TMEM52B: variants seen among roughly 807,000 people sequenced by gnomAD.
The protein encoded by TMEM52B is chromosome 12 open reading frame 59.
TMEM52B carries 11 observed loss-of-function variants against 16.1 expected under a neutral mutation model. The observed-to-expected ratio is 0.68, with a 90% CI of 0.43 to 1.13. The LOEUF (loss-of-function observed/expected upper bound fraction) is 1.13. TMEM52B is among the 50% of genes most tolerant of loss of function. TMEM52B has a pLI of 0.00. For missense variants in TMEM52B, 243 were observed against 230.4 expected (o/e 1.05, Z -0.35); for synonymous variants, 101 against 93.8 (o/e 1.08, Z -0.45).
intron 1 of TMEM52B, among the ~76,000 whole-genome samples, chr12:10,173,278 T>C (rs191673044): frequency 4.2e-4 from 64 of 152,092 alleles, no homozygotes; most frequent in African/African-American, 1.4e-3. Context: ...TGATATGATA[T>C]CTGGCATTTA....
upstream of TMEM52B, among the ~76,000 whole-genome samples, chr12:10,178,643 A>AAGAGAGAG (rs141826102): frequency 6.7e-6 from 1 of 149,958 alleles, no homozygotes; most frequent in Admixed American, 6.7e-5. Flanking sequence ...TCCTTAACCA[A>AAGAGAGAG]AGAGAGAGAG....
rs549016148 is a variant in TMEM52B at position 10,186,544 on chromosome 12, G to A, written c.262G>A (p.Val88Ile). Residue 88 changes from valine (V) to isoleucine (I), a missense_variant, in exon 4 of 5, where the codon GTC becomes ATC. Transcript: ENST00000543484. ...DGGPPPCEVT[V>I]IAFDHDSTLQ... The stretch of plus-strand genomic sequence containing the variant: ...GGGCCCACCACCCTGTGAAGTGACC[G>A]TCATTGCTTTCGATCACGACAGCAC... 7 of 1,608,138 alleles carry A rather than the reference G, an allele frequency of 4.4e-6. No homozygotes were observed. Among genetic ancestry groups the A allele is most frequent in the East Asian group, 4.5e-5 (2 of 44,810 alleles).
chr12:10,173,777 A>G (rs1201912625), intron 1 of TMEM52B, among the ~76,000 whole-genome samples: 1 of 151,944 alleles, frequency 6.6e-6, no homozygotes, highest in African/African-American at 2.4e-5. Flanking sequence ...AAAAAAAAAA[A>G]AAAAGAATTA....
intron 1 of TMEM52B, chr12:10,172,288 G>T (rs772036549): frequency 1.1e-4 from 53 of 491,072 alleles, no homozygotes; most frequent in Non-Finnish European, 1.5e-4. Flanking sequence ...GGTGGAGAAA[G>T]TGGTGATTCT....
chr12:10,184,082 T>C (rs982689492), intron 2 of TMEM52B, among the ~76,000 whole-genome samples: 1 of 152,200 alleles, frequency 6.6e-6, no homozygotes, highest in East Asian at 1.9e-4. Flanking sequence ...CAATGGCCAA[T>C]GATTTAATCA....
chr12:10,188,030 C>T (rs1449846085), intron 4 of TMEM52B, among the ~76,000 whole-genome samples: 2 of 152,126 alleles, frequency 1.3e-5, no homozygotes, highest in Non-Finnish European at 2.9e-5. Context: ...ACCCGGGAGG[C>T]AAAGGTTGAA....
At chr12:10,184,452 A>T (rs1948857574) in intron 2 of TMEM52B, among the ~76,000 whole-genome samples, 1 of 152,096 alleles carries the variant, frequency 6.6e-6, no homozygotes, top group African/African-American at 2.4e-5. Context: ...TAGGGGACTG[A>T]GTCCTCACCC....
In TMEM52B at chr12:10,191,571, T is replaced by C. The variant is rs1271461772; in HGVS notation, c.*1431T>C. ...CTAAAAAATGGGAAATAATAACACC[T>C]CAGAAGGTTTTTGTGAAGATCAAAG... On this transcript the variant is annotated 3_prime_UTR_variant, in exon 5 of 5. Transcript: ENST00000543484. The C allele has an allele frequency of 1.3e-5, 2 of 152,086 alleles. No individual in the cohort carries two copies. The highest frequency in any genetic ancestry group is 2.4e-5 in the African/African-American group (1 of 41,406). 9.4% of individuals were successfully genotyped at this position (152,086 alleles called of 1,614,324 possible).
In TMEM52B at chr12:10,191,402, G is replaced by A. The variant is rs1316776330; in HGVS notation, c.*1262G>A. On this transcript the variant is annotated 3_prime_UTR_variant, in exon 5 of 5. Coordinates refer to ENST00000543484, the MANE Select transcript of TMEM52B (RefSeq NM_001384896.1). ...TGCCCAGCTAATTTTTGTATTTTTA[G>A]TGGAGAGGGGGTTTCACCATGTTGG... is the stretch of plus-strand genomic sequence containing the variant. 1 of 152,072 alleles carries A rather than the reference G, an allele frequency of 6.6e-6. No individual in the cohort carries two copies. The highest frequency in any genetic ancestry group is 1.5e-5 in the Non-Finnish European group (1 of 68,034). 9.4% of individuals were successfully genotyped at this position (152,072 alleles called of 1,614,324 possible). A position where few individuals can be genotyped will look rare whatever the true frequency, so the allele number is the denominator to read the frequency against.
At position 10,172,149 on chromosome 12, in the gene TMEM52B, C is replaced by T; in HGVS notation, c.-95+1298C>T. 3.0e-6 allele frequency: 3 copies of T among 1,012,642 alleles called. No homozygotes were observed. In the South Asian group the frequency reaches 3.9e-5, roughly 13 times the overall value. The allele number at this position is 1,012,642 out of a possible 1,614,324, so 62.7% of individuals were successfully genotyped here. On this transcript the variant is annotated intron_variant, in intron 1 of 5. Transcript: ENST00000381923. Reference sequence around the variant, plus strand: ...CAACAAACTAAAAATATGTGAGCTTCTGCAGAAGTATTTAAATAGCTACTG... The same window carrying T: ...CAACAAACTAAAAATATGTGAGCTTTTGCAGAAGTATTTAAATAGCTACTG...
chr12:10,186,075 T>A (rs953728759), intron 3 of TMEM52B, among the ~76,000 whole-genome samples: 3 of 150,904 alleles, frequency 2.0e-5, no homozygotes, highest in Non-Finnish European at 4.4e-5. Context: ...TGGTGGCATG[T>A]GCCTATAGTA....
upstream of TMEM52B, among the ~76,000 whole-genome samples, chr12:10,178,780 G>T (rs1948789805): frequency 6.6e-6 from 1 of 152,190 alleles, no homozygotes; most frequent in South Asian, 2.1e-4. Context: ...AATGGGAAGT[G>T]AAGTCAGGGA....
intron 2 of TMEM52B, among the ~76,000 whole-genome samples, chr12:10,183,138 C>A (rs1447897383): frequency 6.6e-6 from 1 of 152,098 alleles, no homozygotes; most frequent in African/African-American, 2.4e-5. Flanking sequence ...AAGAATCATT[C>A]CACTTAAAGG....
At chr12:10,189,804 T>C in intron 4 of TMEM52B, 92 bp from the exon 5 acceptor site, 2 of 1,520,704 alleles carry the variant, frequency 1.3e-6, no homozygotes, top group East Asian at 4.5e-5. Context: ...TTGTAAAAAA[T>C]GAAGCGACAG....
Position 10,189,641 on chromosome 12 carries a change from A to G in TMEM52B, c.308-255A>G, listed in dbSNP as rs866562677. The stretch of plus-strand genomic sequence containing the variant: ...TCCGTCTCAAAAAAAAAAAAAAAAA[A>G]AGAGAGAGAGAGAGATACAGAAACA... On this transcript the variant is annotated intron_variant, in intron 4 of 4. Transcript: ENST00000543484. 2.9e-4 allele frequency among the ~76,000 whole-genome samples: 42 copies of G among 147,220 alleles called. No individual in the cohort carries two copies. In the East Asian group the frequency reaches 5.0e-3, roughly 17 times the overall value.
intron 1 of TMEM52B, among the ~76,000 whole-genome samples, chr12:10,181,372 T>C (rs1339607147): frequency 2.0e-5 from 3 of 151,170 alleles, no homozygotes. Context: ...CTTGCTCGCC[T>C]AGGCTGGAGT....
chr12:10,186,343 C>T, intron 3 of TMEM52B, 77 bp from the exon 4 acceptor site: 1 of 1,158,910 alleles, frequency 8.6e-7, no homozygotes, highest in Non-Finnish European at 1.2e-6. Flanking sequence ...AAAACACAGA[C>T]ATTAAAGACT....
Position 10,190,084 on chromosome 12 carries a change from A to C in TMEM52B, c.496A>C (p.Lys166Gln), listed in dbSNP as rs965620347. ...APDLPPVPEE[K>Q]QLPPTEKEST... ...TGATCTACCCCCAGTACCTGAAGAAAAGCAGCTGCCTCCAACAGAGAAGGA... is the reference window on the plus strand; with the variant it reads ...TGATCTACCCCCAGTACCTGAAGAACAGCAGCTGCCTCCAACAGAGAAGGA... Residue 166 changes from lysine (K) to glutamine (Q), a missense_variant, in exon 5 of 5, where the codon AAG becomes CAG. By Grantham distance (53) the Lys-to-Gln change is moderately conservative (BLOSUM62 1). Coordinates refer to ENST00000543484, the MANE Select transcript of TMEM52B (RefSeq NM_001384896.1). 6.2e-7 allele frequency: 1 copy of C among 1,614,060 alleles called. No homozygotes were observed. The highest frequency in any genetic ancestry group is 1.3e-5 in the African/African-American group (1 of 74,916).
intron 2 of TMEM52B, among the ~76,000 whole-genome samples, chr12:10,184,736 T>C (rs1055782682): frequency 6.6e-6 from 1 of 152,240 alleles, no homozygotes; most frequent in East Asian, 1.9e-4. Context: ...AAATTTTCTT[T>C]ATGTTTACAT....
Sources: gnomAD v4.1 joint callset for allele counts (sites outside exome capture counted in the v4.1 genomes callset) on GRCh38, gnomAD v4.1.1 for gene constraint, MANE v1.5 for transcripts, NCBI Gene and HGNC (gene_info 2026-07-23, HGNC 2026-07-21) for gene names.